Variants in MACROD2 observed in about 807,000 individuals in gnomAD.
MACROD2 encodes the protein ADP-ribose glycohydrolase MACROD2.
MACROD2 carries 36 observed loss-of-function variants against 70.4 expected under a neutral mutation model. That is an observed-to-expected ratio of 0.51 (90% CI 0.39 to 0.68). The LOEUF (loss-of-function observed/expected upper bound fraction) is 0.68, where lower values mean the gene tolerates loss of function less well. Ranked by LOEUF, MACROD2 falls within the 30% of genes least tolerant of loss-of-function variation. The pLI is 0.00. For missense variants in MACROD2, 496 were observed against 538.4 expected, an observed-to-expected ratio of 0.92 and a Z score of 0.78; for synonymous variants, 172 against 178.8, an observed-to-expected ratio of 0.96 and a Z score of 0.30.
At chr20:14,501,046 A>C (rs1444938464) in intron 4 of MACROD2, among the ~76,000 whole-genome samples, 8 of 151,840 alleles carry the variant, frequency 5.3e-5, no homozygotes, top group African/African-American at 1.9e-4. Context: ...GAAAAAAAAA[A>C]ACAAAAACCC....
At chr20:15,864,596 T>A (rs1421958404) in intron 9 of MACROD2, among the ~76,000 whole-genome samples, 3 of 152,132 alleles carry the variant, frequency 2.0e-5, no homozygotes, top group African/African-American at 7.2e-5. Context: ...TGATGCACAG[T>A]CAAAAAGCAT....
At chr20:14,754,228 C>G (rs1294151467) in intron 5 of MACROD2, among the ~76,000 whole-genome samples, 3 of 152,054 alleles carry the variant, frequency 2.0e-5, no homozygotes, top group African/African-American at 7.3e-5. Context: ...TGGACATAGT[C>G]TCCACCTTCA....
intron 8 of MACROD2, among the ~76,000 whole-genome samples, chr20:15,529,453 A>C (rs2047766998): frequency 1.3e-5 from 2 of 152,112 alleles, no homozygotes; most frequent in Admixed American, 1.3e-4. Context: ...ATATTCTTTA[A>C]CTATTTGTTA....
At chr20:14,630,881 CAG>C (rs1169913130) in intron 4 of MACROD2, among the ~76,000 whole-genome samples, 2 of 144,524 alleles carry the variant, frequency 1.4e-5, no homozygotes, top group African/African-American at 5.4e-5. Context: ...CCCTGATGTA[CAG>C]ATTCTTGAGT....
intron 10 of MACROD2, among the ~76,000 whole-genome samples, chr20:15,916,667 A>C (rs1214620452): frequency 1.3e-5 from 2 of 152,248 alleles, no homozygotes; most frequent in Non-Finnish European, 1.5e-5. Flanking sequence ...TAAGTTCGAA[A>C]GTCCTTTCCA....
intron 10 of MACROD2, among the ~76,000 whole-genome samples, chr20:15,893,306 G>A (rs2064917959): frequency 6.6e-6 from 1 of 152,240 alleles, no homozygotes; most frequent in Non-Finnish European, 1.5e-5. Context: ...CCAAAATTGT[G>A]CAAAAGTGAA....
At chr20:14,945,802 A>G (rs530313902) in intron 5 of MACROD2, among the ~76,000 whole-genome samples, 1 of 152,300 alleles carries the variant, frequency 6.6e-6, no homozygotes, top group South Asian at 2.1e-4. Context: ...TAAACTTAGT[A>G]GCTCACTATT....
At chr20:14,853,461 T>C (rs2073221473) in intron 5 of MACROD2, among the ~76,000 whole-genome samples, 1 of 151,326 alleles carries the variant, frequency 6.6e-6, no homozygotes, top group Non-Finnish European at 1.5e-5. Flanking sequence ...GTTTTAAAAA[T>C]AGGGTGGAGT....
At chr20:14,454,289 G>C (rs1183063232) in intron 3 of MACROD2, among the ~76,000 whole-genome samples, 1 of 151,336 alleles carries the variant, frequency 6.6e-6, no homozygotes, top group Admixed American at 6.6e-5. Context: ...GTATGTATGA[G>C]TAATTTTCAT....
At chr20:14,239,488 TA>T (rs1601388717) in intron 3 of MACROD2, among the ~76,000 whole-genome samples, 1 of 152,216 alleles carries the variant, frequency 6.6e-6, no homozygotes, top group East Asian at 1.9e-4. Flanking sequence ...AAGGCTGGAG[TA>T]ACTGAAACGG....
chr20:16,044,692 A>G (rs569490390), intron 17 of MACROD2, 53 bp downstream of exon 17: 538 of 1,513,612 alleles, frequency 3.6e-4, no homozygotes, highest in Non-Finnish European at 4.4e-4. Flanking sequence ...CATAAGAACT[A>G]TTTGCAAATG....
intron 3 of MACROD2, among the ~76,000 whole-genome samples, chr20:14,219,818 A>T (rs1237097061): frequency 6.6e-6 from 1 of 152,012 alleles, no homozygotes. Context: ...CCACCCAGAG[A>T]GTCTGCCTGG....
chr20:15,843,077 G>T (rs1347930952), intron 8 of MACROD2, among the ~76,000 whole-genome samples: 1 of 152,128 alleles, frequency 6.6e-6, no homozygotes, highest in African/African-American at 2.4e-5. Flanking sequence ...ACTTAACCTT[G>T]CTGTACCACA....
intron 5 of MACROD2, among the ~76,000 whole-genome samples, chr20:14,885,011 A>G (rs1600766369): frequency 1.3e-5 from 2 of 152,290 alleles, no homozygotes; most frequent in South Asian, 2.1e-4. Context: ...TTTCCAGGAC[A>G]TGGAACATAC....
chr20:16,004,215 C>A (rs943703962), intron 15 of MACROD2, among the ~76,000 whole-genome samples: 2 of 152,118 alleles, frequency 1.3e-5, no homozygotes, highest in African/African-American at 4.8e-5. Flanking sequence ...CGGAGATCAG[C>A]CACTTATAAG....
At chr20:15,222,836 T>C (rs1437908600) in intron 5 of MACROD2, among the ~76,000 whole-genome samples, 1 of 152,230 alleles carries the variant, frequency 6.6e-6, no homozygotes, top group East Asian at 1.9e-4. Flanking sequence ...CAGAATGTTT[T>C]TGCTGCATTT....
At chr20:14,491,659 G>C (rs375993816) in intron 3 of MACROD2, among the ~76,000 whole-genome samples, 27 of 152,320 alleles carry the variant, frequency 1.8e-4, no homozygotes, top group African/African-American at 5.5e-4. Flanking sequence ...GCCTTGGGCT[G>C]TGCTCTCAAA....
chr20:15,659,333 T>G (rs1057394735), intron 8 of MACROD2, among the ~76,000 whole-genome samples: 3 of 100,684 alleles, frequency 3.0e-5, no homozygotes, highest in African/African-American at 7.0e-5. Context: ...TTTTTTTTTT[T>G]GTCTCTTGAT....
At chr20:15,977,023 T>C (rs1476565187) in intron 13 of MACROD2, among the ~76,000 whole-genome samples, 2 of 152,154 alleles carry the variant, frequency 1.3e-5, no homozygotes, top group African/African-American at 4.8e-5. Context: ...CTTGATTGAA[T>C]TCCTCTGAAA....
Sources: gnomAD v4.1 joint callset for allele counts (sites outside exome capture counted in the v4.1 genomes callset) on GRCh38, gnomAD v4.1.1 for gene constraint, MANE v1.5 for transcripts, NCBI Gene and HGNC (gene_info 2026-07-23, HGNC 2026-07-21) for gene names.